Variants in CCDC146 observed in about 807,000 individuals in gnomAD.
CCDC146 encodes the protein coiled-coil domain-containing protein 146.
CCDC146 carries 92 observed loss-of-function variants against 119.3 expected under a neutral mutation model. The ratio of observed to expected loss-of-function variants is 0.77; its 90% CI spans 0.65 to 0.92. The LOEUF is 0.92. CCDC146 is among the 40% of genes least tolerant of loss of function. The probability of loss-of-function intolerance (pLI) is 0.00; values close to 1 mark genes in which losing one functional copy is unlikely to be tolerated. For synonymous variants in CCDC146, 372 were observed against 371.8 expected (o/e 1.00, Z -0.01); for missense variants, 1,000 against 1,103.0 (o/e 0.91, Z 1.32).
intron 2 of CCDC146, among the ~76,000 whole-genome samples, chr7:77,209,580 A>C (rs1792144288): frequency 6.6e-6 from 1 of 152,224 alleles, no homozygotes; most frequent in African/African-American, 2.4e-5. Context: ...TCCACTAGGC[A>C]GTGCTCCAGT....
intron 4 of CCDC146, among the ~76,000 whole-genome samples, chr7:77,243,301 G>T (rs7782853): frequency 1.3e-4 from 20 of 152,134 alleles, no homozygotes; most frequent in African/African-American, 4.8e-4. Context: ...ACTGACCTGC[G>T]GTGAATAAGA....
At chr7:77,282,462 G>A (rs891972938) in intron 14 of CCDC146, 95 bp from the exon 15 acceptor site, 6 of 737,432 alleles carry the variant, frequency 8.1e-6, no homozygotes, top group Non-Finnish European at 1.4e-5. Context: ...GCTATGTTGT[G>A]TATATCTTGC....
intron 2 of CCDC146, among the ~76,000 whole-genome samples, chr7:77,205,556 G>C (rs926371479): frequency 2.6e-5 from 4 of 152,188 alleles, no homozygotes; most frequent in African/African-American, 9.7e-5. Flanking sequence ...TCAGGAGTTT[G>C]AGACCTGTCT....
At chr7:77,285,092 C>G (rs1793826150) in intron 15 of CCDC146, among the ~76,000 whole-genome samples, 1 of 151,830 alleles carries the variant, frequency 6.6e-6, no homozygotes, top group Non-Finnish European at 1.5e-5. Context: ...ACAATCTAAT[C>G]CAAGGATTAT....
Position 77,241,764 on chromosome 7 carries a change from C to T in CCDC146, c.313C>T (p.His105Tyr). The T allele has an allele frequency of 6.2e-7, 1 of 1,614,074 alleles. No homozygotes were observed. Among genetic ancestry groups the T allele is most frequent in the Non-Finnish European group, 8.5e-7 (1 of 1,180,034 alleles). Residue 105 changes from histidine (H) to tyrosine (Y), a missense_variant, in exon 4 of 19, where the codon CAC becomes TAC. This residue lies in a region of CCDC146 where 985 missense variants were observed against 1,045.3 expected (regional missense o/e 0.94). Coordinates refer to ENST00000285871, the MANE Select transcript of CCDC146 (RefSeq NM_020879.3). Reference protein sequence around the residue: ...FTEQIQQQQFHLQQADNFPEA... With the variant: ...FTEQIQQQQFYLQQADNFPEA... ...TGAGCAAATACAACAGCAGCAGTTT[C>T]ACCTGCAGCAAGCTGATAATTTTCC...
intron 2 of CCDC146, among the ~76,000 whole-genome samples, chr7:77,176,626 C>A (rs999243354): frequency 6.6e-6 from 1 of 152,216 alleles, no homozygotes. Flanking sequence ...ATTCAGAATG[C>A]TTTCTGAAAG....
At chr7:77,149,538 G>A (rs1259074302) in intron 1 of CCDC146, among the ~76,000 whole-genome samples, 1 of 152,040 alleles carries the variant, frequency 6.6e-6, no homozygotes, top group Non-Finnish European at 1.5e-5. Context: ...AGCTGAGGTG[G>A]GTGGATAACT....
At chr7:77,194,449 A>G (rs1395450250) in intron 2 of CCDC146, 2 of 152,098 alleles carry the variant, frequency 1.3e-5, no homozygotes, top group Non-Finnish European at 2.9e-5. Flanking sequence ...TTTGGTCATC[A>G]TTTAATGCTA....
At chr7:77,184,783 T>C (rs1249198045) in intron 2 of CCDC146, among the ~76,000 whole-genome samples, 1 of 152,196 alleles carries the variant, frequency 6.6e-6, no homozygotes, top group Non-Finnish European at 1.5e-5. Context: ...ACCACTAGGT[T>C]AAATAGGGAC....
intron 14 of CCDC146, among the ~76,000 whole-genome samples, chr7:77,281,324 T>C (rs1298030930): frequency 1.3e-5 from 2 of 152,182 alleles, no homozygotes; most frequent in Non-Finnish European, 2.9e-5. Flanking sequence ...TTTGGTCTTA[T>C]TATATTTAGC....
At chr7:77,240,947 T>G (rs1792831219) in intron 3 of CCDC146, among the ~76,000 whole-genome samples, 1 of 152,150 alleles carries the variant, frequency 6.6e-6, no homozygotes. Flanking sequence ...TTCCTTGTTT[T>G]TTTTAAATCA....
At chr7:77,192,669 A>G (rs1188174457) in intron 2 of CCDC146, among the ~76,000 whole-genome samples, 1 of 152,224 alleles carries the variant, frequency 6.6e-6, no homozygotes, top group Non-Finnish European at 1.5e-5. Flanking sequence ...TAATGCCTGT[A>G]ATCCCAGCAC....
chr7:77,283,224 A>G (rs1199231007), intron 15 of CCDC146, among the ~76,000 whole-genome samples: 1 of 152,194 alleles, frequency 6.6e-6, no homozygotes, highest in Non-Finnish European at 1.5e-5. Flanking sequence ...AGTAGTTGTC[A>G]GTTACATATA....
Position 77,241,781 on chromosome 7 carries a change from T to C in CCDC146, c.330T>C (p.Asp110=), listed in dbSNP as rs889898700. The C allele has an allele frequency of 1.2e-6, 2 of 1,613,978 alleles. No homozygotes were observed. The highest frequency in any genetic ancestry group is 1.7e-6 in the Non-Finnish European group (2 of 1,180,032). The part of the protein sequence containing the change: ...QQQQFHLQQA[D]NFPEAFSTEV... ...AGCAGTTTCACCTGCAGCAAGCTGA[T>C]AATTTTCCAGAAGCATTCTCCACGG... Residue 110 remains aspartate (D), a synonymous_variant, in exon 4 of 19, where the codon GAT becomes GAC. Transcript: ENST00000285871.
intron 1 of CCDC146, among the ~76,000 whole-genome samples, chr7:77,146,043 G>A (rs1234380409): frequency 2.6e-5 from 4 of 151,758 alleles, no homozygotes; most frequent in Non-Finnish European, 5.9e-5. Context: ...TTATCATTGT[G>A]GGGGAGTCTA....
chr7:77,185,709 A>C (rs936927883), intron 2 of CCDC146, among the ~76,000 whole-genome samples: 5 of 152,352 alleles, frequency 3.3e-5, no homozygotes, highest in Middle Eastern at 3.4e-3. Context: ...CACAAGCGTC[A>C]AGACCATCCA....
intron 2 of CCDC146, among the ~76,000 whole-genome samples, chr7:77,225,814 G>T (rs372325737): frequency 6.6e-6 from 1 of 151,646 alleles, no homozygotes; most frequent in Non-Finnish European, 1.5e-5. Context: ...ATGGTGGCGG[G>T]CACCTGTAAT....
At chr7:77,179,722 T>C (rs1791552367) in intron 2 of CCDC146, among the ~76,000 whole-genome samples, 1 of 152,158 alleles carries the variant, frequency 6.6e-6, no homozygotes, top group African/African-American at 2.4e-5. Flanking sequence ...AAAAAAAACC[T>C]TTGTGATAAA....
chr7:77,237,006 C>T lies in CCDC146; in HGVS notation c.216C>T (p.Thr72=). ...TRMAALKAKY[T]LLHDAVMSTQ... is the part of the protein sequence containing the mutation. ...TGGCAGCGTTAAAAGCCAAGTATAC[C>T]TTGCTGCATGACGCCGTGATGAGGT... Residue 72 remains threonine (T), a synonymous_variant, in exon 3 of 19, where the codon ACC becomes ACT. Transcript: ENST00000285871. The T allele has an allele frequency of 1.2e-6, 2 of 1,613,990 alleles. No individual in the cohort carries two copies. Among genetic ancestry groups the T allele is most frequent in the Non-Finnish European group, 1.7e-6 (2 of 1,179,852 alleles).
Sources: gnomAD v4.1 joint callset for allele counts (sites outside exome capture counted in the v4.1 genomes callset) on GRCh38, gnomAD v4.1.1 for gene constraint, gnomAD v4.1.1 regional missense constraint, MANE v1.5 for transcripts, NCBI Gene and HGNC (gene_info 2026-07-23, HGNC 2026-07-21) for gene names.